Variants in CTSB observed in about 807,000 individuals in gnomAD.
CTSB encodes cathepsin B, also known as APP secretase.
CTSB carries 57 observed loss-of-function variants against 44.3 expected under a neutral mutation model. That is an observed-to-expected ratio of 1.29 (90% confidence interval 1.04 to 1.60). The LOEUF (loss-of-function observed/expected upper bound fraction) is 1.60, where lower values mean the gene tolerates loss of function less well. Ranked by LOEUF, CTSB falls within the 40% of genes most tolerant of loss-of-function variation. The probability of loss-of-function intolerance (pLI) is 0.00; values close to 1 mark genes in which losing one functional copy is unlikely to be tolerated. For synonymous variants in CTSB, 320 were observed against 168.0 expected (o/e 1.91, Z -7.00); for missense variants, 768 against 443.0 (o/e 1.73, Z -6.59).
chr8:11,852,732 G>C, intron 2 of CTSB, 37 bp from the exon 3 acceptor site: 1 of 1,590,750 alleles, frequency 6.3e-7, no homozygotes, highest in East Asian at 2.2e-5. Context: ...AGGGTCTCCC[G>C]GGATGGCGGT....
Position 11,843,144 on chromosome 8 carries a change from T to A in CTSB, c.*1981A>T, listed in dbSNP as rs1207692302. On this transcript the variant is annotated 3_prime_UTR_variant, in exon 10 of 10. Transcript: ENST00000353047. Reference sequence around the variant, plus strand: ...TTGTATTTTTAGTAGAGGTGAGGTTTCAGCATGTTGGCCAGGCTGGTCTTG... The same window carrying A: ...TTGTATTTTTAGTAGAGGTGAGGTTACAGCATGTTGGCCAGGCTGGTCTTG... 1 of 151,956 alleles carries A rather than the reference T, an allele frequency of 6.6e-6. No homozygotes were observed. Among genetic ancestry groups the A allele is most frequent in the Non-Finnish European group, 1.5e-5 (1 of 68,044 alleles). The allele number at this position is 151,956 out of a possible 1,614,324, so 9.4% of individuals were successfully genotyped here. A position where few individuals can be genotyped will look rare whatever the true frequency, so the allele number is the denominator to read the frequency against.
Position 11,847,257 on chromosome 8 carries a change from C to A in CTSB, c.677-89G>T, listed in dbSNP as rs1025088152. ...TCAGCCAGTCACTGATTTCTGGTGG[C>A]CTCCAGGGGAAGACTGCATCTAAGG... On this transcript the variant is annotated intron_variant, in intron 7 of 9. Transcript: ENST00000353047. 2.1e-5 allele frequency: 18 copies of A among 841,436 alleles called. No individual in the cohort carries two copies. In the East Asian group the frequency reaches 3.9e-4, roughly 18 times the overall value. 52.1% of individuals were successfully genotyped at this position (841,436 alleles called of 1,614,324 possible).
At position 11,843,395 on chromosome 8, in the gene CTSB, C is replaced by T. The variant is rs910313101; in HGVS notation, c.*1730G>A. On this transcript the variant is annotated 3_prime_UTR_variant, in exon 10 of 10. Transcript: ENST00000353047. ...CTTGAATGCTTTTGGAAAGAGCTAG[C>T]CTCATACCACTTCAGTTGGGAAGGG... is the stretch of plus-strand genomic sequence containing the variant. 6.6e-6 allele frequency: 1 copy of T among 152,186 alleles called. No individual in the cohort carries two copies. Among genetic ancestry groups the T allele is most frequent in the Non-Finnish European group, 1.5e-5 (1 of 68,040 alleles). The allele number at this position is 152,186 out of a possible 1,614,324, so 9.4% of individuals were successfully genotyped here.
intron 8 of CTSB, among the ~76,000 whole-genome samples, chr8:11,846,715 G>A (rs911999307): frequency 3.9e-5 from 6 of 152,242 alleles, no homozygotes; most frequent in Admixed American, 2.6e-4. Context: ...TGCAAAGCCA[G>A]GAAGGCGAGG....
intron 1 of CTSB, among the ~76,000 whole-genome samples, chr8:11,865,868 A>G (rs1817052412): frequency 6.7e-6 from 1 of 149,558 alleles, no homozygotes; most frequent in Admixed American, 6.6e-5. Context: ...AAAAAAAAAA[A>G]GCCAGGTGTG....
At chr8:11,849,257 C>G (rs1586114399) in intron 4 of CTSB, 93 bp from the exon 5 acceptor site, 2 of 898,898 alleles carry the variant, frequency 2.2e-6, no homozygotes, top group Non-Finnish European at 3.6e-6. Flanking sequence ...CACCTCAGAC[C>G]TTGTAGGCAA....
At chr8:11,851,212 C>T (rs1355803851) in intron 3 of CTSB, among the ~76,000 whole-genome samples, 1 of 152,028 alleles carries the variant, frequency 6.6e-6, no homozygotes, top group African/African-American at 2.4e-5. Flanking sequence ...TGGGAGTGGA[C>T]AGAATTTCAC....
In CTSB at chr8:11,850,149, G is replaced by A. The variant is rs116858126; in HGVS notation, c.327+717C>T. On this transcript the variant is annotated intron_variant, in intron 4 of 9. Transcript: ENST00000353047. ...ACACTTGAAAATAGTTGCTGGGCACGGTGGCTCACGCCTGTAATCCCAGCA... is the reference window on the plus strand; with the variant it reads ...ACACTTGAAAATAGTTGCTGGGCACAGTGGCTCACGCCTGTAATCCCAGCA... 8.3e-3 allele frequency: 1,261 copies of A among 152,230 alleles called. 10 individuals carry two copies. Among genetic ancestry groups the A allele is most frequent in the Non-Finnish European group, 0.012 (783 of 68,054 alleles). 9.4% of individuals were successfully genotyped at this position (152,230 alleles called of 1,614,324 possible). A position where few individuals can be genotyped will look rare whatever the true frequency, so the allele number is the denominator to read the frequency against.
chr8:11,856,965 T>C (rs1210423842), intron 1 of CTSB, among the ~76,000 whole-genome samples: 4 of 152,198 alleles, frequency 2.6e-5, no homozygotes, highest in East Asian at 1.9e-4. Context: ...AAAAGGACAT[T>C]TGTTTTAATG....
chr8:11,847,944 T>C, intron 6 of CTSB, 122 bp from the exon 7 acceptor site: 3 of 1,347,690 alleles, frequency 2.2e-6, no homozygotes, highest in South Asian at 1.4e-5. Context: ...CCTGTGCACC[T>C]GGCTAGCACC....
chr8:11,852,567 C>T, intron 3 of CTSB, 43 bp downstream of exon 3: 1 of 1,541,278 alleles, frequency 6.5e-7, no homozygotes, highest in Non-Finnish European at 8.9e-7. Context: ...CAAACCAACG[C>T]CTGCCACTCA....
At chr8:11,847,238 A>G in intron 7 of CTSB, 70 bp from the exon 8 acceptor site, 2 of 976,854 alleles carry the variant, frequency 2.0e-6, no homozygotes, top group Non-Finnish European at 3.3e-6. Context: ...ACGGTCAGCC[A>G]GTCACTGATT....
intron 7 of CTSB, among the ~76,000 whole-genome samples, 181 bp from the exon 8 acceptor site, chr8:11,847,349 G>C (rs973445388): frequency 6.6e-6 from 1 of 152,150 alleles, no homozygotes; most frequent in African/African-American, 2.4e-5. Flanking sequence ...GCTGGGGCTG[G>C]AAGCTCAGAA....
At chr8:11,848,627 C>A in intron 5 of CTSB, 1 of 306,516 alleles carries the variant, frequency 3.3e-6, no homozygotes, top group Non-Finnish European at 6.4e-6. Context: ...ACTGCGGAAC[C>A]AAGGCGAGGC....
Position 11,843,632 on chromosome 8 carries a change from G to T in CTSB, c.*1493C>A, listed in dbSNP as rs527922410. On this transcript the variant is annotated 3_prime_UTR_variant, in exon 10 of 10. Transcript: ENST00000353047. ...AAACCAAGGCTGGAGGGCATCCAGG[G>T]GGATGTGGTTCCCCACGGGGTAGCA... 2.2e-4 allele frequency: 33 copies of T among 152,238 alleles called. No individual in the cohort carries two copies. Among genetic ancestry groups the T allele is most frequent in the African/African-American group, 6.8e-4 (28 of 41,448 alleles). 9.4% of individuals were successfully genotyped at this position (152,238 alleles called of 1,614,324 possible). A position where few individuals can be genotyped will look rare whatever the true frequency, so the allele number is the denominator to read the frequency against.
At chr8:11,860,629 AAAC>A (rs1193285020) in intron 1 of CTSB, among the ~76,000 whole-genome samples, 2 of 152,270 alleles carry the variant, frequency 1.3e-5, no homozygotes, top group Non-Finnish European at 2.9e-5. Context: ...CGTCTCAAAA[AAAC>A]AAAACAAAAC....
At chr8:11,846,722 G>A (rs1307511819) in intron 8 of CTSB, among the ~76,000 whole-genome samples, 2 of 152,236 alleles carry the variant, frequency 1.3e-5, no homozygotes, top group Non-Finnish European at 2.9e-5. Flanking sequence ...CCAGGAAGGC[G>A]AGGGCAGGCG....
intron 8 of CTSB, chr8:11,846,231 C>G (rs536914423): frequency 1.3e-5 from 2 of 152,882 alleles, no homozygotes; most frequent in South Asian, 2.1e-4. Flanking sequence ...CTGGTGGCAG[C>G]TAATGCTAGC....
At chr8:11,853,735 A>G in intron 1 of CTSB, 1 of 388,538 alleles carries the variant, frequency 2.6e-6, no homozygotes, top group Non-Finnish European at 4.7e-6. Flanking sequence ...GACGAGACCG[A>G]GTCCAGGGCC....
Sources: allele counts gnomAD v4.1 joint callset (sites outside exome capture counted in the v4.1 genomes callset), GRCh38; gene constraint gnomAD v4.1.1; transcripts MANE v1.5; gene names NCBI Gene and HGNC (gene_info 2026-07-23, HGNC 2026-07-21).